The following NAALADL2 variants were observed in gnomAD, a reference collection of about 807,000 sequenced individuals.
NAALADL2 encodes the protein N-acetylated alpha-linked acidic dipeptidase like 2.
In NAALADL2, 76 loss-of-function variants were observed where a neutral mutation model predicts 87.2. The observed-to-expected ratio is 0.87, with a 90% CI of 0.72 to 1.05. NAALADL2 has a LOEUF of 1.05. Ranked by LOEUF, NAALADL2 falls within the 50% of genes least tolerant of loss-of-function variation. NAALADL2 has a pLI of 0.00. For synonymous variants in NAALADL2, 354 were observed against 331.0 expected, an observed-to-expected ratio of 1.07 and a Z score of -0.75; for missense variants, 1,089 against 945.8, an observed-to-expected ratio of 1.15 and a Z score of -1.99.
intron 2 of NAALADL2, among the ~76,000 whole-genome samples, chr3:175,142,078 C>T (rs1365384661): frequency 1.3e-5 from 2 of 151,980 alleles, no homozygotes; most frequent in Non-Finnish European, 2.9e-5. Context: ...GACCTCATGC[C>T]CAGCACAATC....
At chr3:175,270,177 T>C (rs957194213) in intron 4 of NAALADL2, among the ~76,000 whole-genome samples, 2 of 152,184 alleles carry the variant, frequency 1.3e-5, no homozygotes, top group African/African-American at 4.8e-5. Context: ...TTACAATACA[T>C]GCTTTCAATT....
At chr3:174,946,346 A>G (rs978749932) in intron 1 of NAALADL2, among the ~76,000 whole-genome samples, 2 of 152,150 alleles carry the variant, frequency 1.3e-5, no homozygotes, top group African/African-American at 4.8e-5. Flanking sequence ...AATAGAATCT[A>G]TGGTAAAGAT....
At chr3:175,154,304 A>C (rs1731985612) in intron 2 of NAALADL2, among the ~76,000 whole-genome samples, 1 of 152,198 alleles carries the variant, frequency 6.6e-6, no homozygotes, top group African/African-American at 2.4e-5. Flanking sequence ...CCGATTAATT[A>C]TAAGCATAAT....
intron 1 of NAALADL2, among the ~76,000 whole-genome samples, chr3:174,496,225 T>G (rs746038562): frequency 7.2e-5 from 11 of 152,150 alleles, no homozygotes; most frequent in Non-Finnish European, 1.3e-4. Flanking sequence ...AAATTGTTTT[T>G]GTTTGATTTA....
intron 9 of NAALADL2, among the ~76,000 whole-genome samples, chr3:175,558,214 A>AG (rs1553921881): frequency 2.0e-5 from 3 of 146,426 alleles, no homozygotes; most frequent in African/African-American, 5.0e-5. Flanking sequence ...AAAAAAAAAA[A>AG]AAAGAAAGAA....
rs115111180 is a variant in NAALADL2, at chr3:175,760,769, T to G, written c.2189+5351T>G. ...CATCTGTGTTTTGCCATTAGATCCT[T>G]TTTTGCTCCCTGTAGTTATTACTCT... is the stretch of plus-strand genomic sequence containing the variant. On this transcript the variant is annotated intron_variant, in intron 13 of 13. Transcript: ENST00000454872. 9.9e-3 allele frequency among the ~76,000 whole-genome samples: 1,510 copies of G among 152,282 alleles called. 19 individuals carry two copies. The highest frequency in any genetic ancestry group is 0.034 in the African/African-American group (1,414 of 41,548).
chr3:175,125,776 A>C (rs55999998), intron 2 of NAALADL2, among the ~76,000 whole-genome samples: 12,718 of 152,080 alleles, frequency 0.084, 614 homozygotes, highest in Non-Finnish European at 0.11. Flanking sequence ...AGCAGAGTCT[A>C]TTTTGGAGAT....
chr3:175,628,104 T>C (rs73171427), intron 11 of NAALADL2, among the ~76,000 whole-genome samples: 59 of 151,916 alleles, frequency 3.9e-4, no homozygotes, highest in Admixed American at 1.4e-3. Flanking sequence ...TTTTTGACTT[T>C]ATGGTGGTTC....
chr3:175,782,644 A>AT (rs1264881108), intron 13 of NAALADL2, among the ~76,000 whole-genome samples: 1 of 136,640 alleles, frequency 7.3e-6, no homozygotes, highest in African/African-American at 3.1e-5. Flanking sequence ...ATTTTCTCCC[A>AT]TTTTGTAGGT....
At chr3:175,321,109 C>A (rs1167280569) in intron 4 of NAALADL2, among the ~76,000 whole-genome samples, 2 of 150,050 alleles carry the variant, frequency 1.3e-5, no homozygotes, top group Non-Finnish European at 3.0e-5. Context: ...CAACCCGAAT[C>A]CAGCAGCACA....
chr3:175,133,630 G>C lies in NAALADL2; in HGVS notation c.545+36339G>C, dbSNP rs568058096. ...GCAGGCACTCGGCAGGCTGAGGCAG[G>C]CGAATCAGGCAGGGAGGCTGCAGTG... On this transcript the variant is annotated intron_variant, in intron 2 of 13. Transcript: ENST00000454872. Among the ~76,000 whole-genome samples the C allele has an allele frequency of 6.9e-3, 1,056 of 152,318 alleles. 18 individuals are homozygous for C. Among genetic ancestry groups the C allele is most frequent in the African/African-American group, 0.024 (1,018 of 41,576 alleles).
intron 1 of NAALADL2, among the ~76,000 whole-genome samples, chr3:175,007,545 A>T (rs1344714174): frequency 6.6e-6 from 1 of 152,108 alleles, no homozygotes; most frequent in Non-Finnish European, 1.5e-5. Context: ...TAGATTTAGT[A>T]TGTCTGGAAT....
At chr3:175,132,196 C>T (rs1728115126) in intron 2 of NAALADL2, among the ~76,000 whole-genome samples, 2 of 89,460 alleles carry the variant, frequency 2.2e-5, no homozygotes, top group Admixed American at 1.0e-4. Flanking sequence ...CTCCTCACTT[C>T]CCAGTAGGGG....
intron 1 of NAALADL2, chr3:174,540,682 T>G (rs946627473): frequency 1.3e-5 from 2 of 152,216 alleles, no homozygotes; most frequent in Non-Finnish European, 2.9e-5. Context: ...TTTACCTCAC[T>G]TCATGCTAAC....
rs552930551 is a variant in NAALADL2 at position 175,115,558 on chromosome 3, A to G, written c.545+18267A>G. ...TACAAGTATAATGTTTGTGTAAAAGAGAATGCTATTAAGCAGCAAATGTAA... is the reference window on the plus strand; with the variant it reads ...TACAAGTATAATGTTTGTGTAAAAGGGAATGCTATTAAGCAGCAAATGTAA... On this transcript the variant is annotated intron_variant, in intron 2 of 13. Transcript: ENST00000454872. 1.1e-4 allele frequency among the ~76,000 whole-genome samples: 17 copies of G among 151,858 alleles called. No homozygotes were observed. In the South Asian group the frequency reaches 3.1e-3, roughly 28 times the overall value.
At chr3:175,633,180 C>T (rs960766809) in intron 11 of NAALADL2, among the ~76,000 whole-genome samples, 11 of 152,100 alleles carry the variant, frequency 7.2e-5, no homozygotes, top group African/African-American at 2.7e-4. Context: ...CTCATTATAA[C>T]TTTTGAACCA....
At chr3:175,137,470 C>A (rs897853281) in intron 2 of NAALADL2, among the ~76,000 whole-genome samples, 1 of 151,976 alleles carries the variant, frequency 6.6e-6, no homozygotes, top group Non-Finnish European at 1.5e-5. Flanking sequence ...TATTTTTGTG[C>A]ATGCAAATTA....
At chr3:174,982,707 C>T (rs1014576007) in intron 1 of NAALADL2, among the ~76,000 whole-genome samples, 7 of 152,120 alleles carry the variant, frequency 4.6e-5, no homozygotes, top group East Asian at 3.9e-4. Context: ...TATGTAGGTG[C>T]TGTTGGAGAA....
At chr3:174,761,482 G>C (rs940432890) in intron 3 of NAALADL2, among the ~76,000 whole-genome samples, 1 of 152,208 alleles carries the variant, frequency 6.6e-6, no homozygotes, top group Admixed American at 6.5e-5. Context: ...CAAGGTTCTT[G>C]AAGCAAATTT....
Sources: allele counts gnomAD v4.1 joint callset (sites outside exome capture counted in the v4.1 genomes callset), GRCh38; gene constraint gnomAD v4.1.1; transcripts MANE v1.5; gene names NCBI Gene and HGNC (gene_info 2026-07-23, HGNC 2026-07-21).